Variants in PTCHD4 observed in about 807,000 individuals in gnomAD.
The protein encoded by PTCHD4 is patched domain containing 4.
In PTCHD4, 33 loss-of-function variants were observed where a neutral mutation model predicts 58.1. That is an observed-to-expected ratio of 0.57 (90% CI 0.43 to 0.76). The LOEUF is 0.76. Among genes scored for constraint, PTCHD4 ranks in the 30% least tolerant of loss-of-function variants. The pLI is 0.00. For synonymous variants in PTCHD4, 478 were observed against 409.6 expected (o/e 1.17, Z -2.02); for missense variants, 1,058 against 1,027.1 (o/e 1.03, Z -0.41).
intron 3 of PTCHD4, among the ~76,000 whole-genome samples, chr6:48,066,785 G>A (rs1375062193): frequency 6.7e-6 from 1 of 149,814 alleles, no homozygotes; most frequent in African/African-American, 2.5e-5. Context: ...TCATTTAAAT[G>A]GGGACACCAT....
intron 1 of PTCHD4, among the ~76,000 whole-genome samples, chr6:48,086,091 C>T (rs1049389431): frequency 6.6e-6 from 1 of 152,030 alleles, no homozygotes; most frequent in Non-Finnish European, 1.5e-5. Flanking sequence ...AATTGTGTCA[C>T]TATGATTTAC....
chr6:48,084,076 G>T (rs185388011), intron 1 of PTCHD4, among the ~76,000 whole-genome samples: 1 of 151,620 alleles, frequency 6.6e-6, no homozygotes, highest in African/African-American at 2.4e-5. Context: ...CGAATTTAGC[G>T]TTCTCAACCA....
chr6:48,084,814 G>A (rs1368380389), intron 1 of PTCHD4, among the ~76,000 whole-genome samples: 1 of 149,308 alleles, frequency 6.7e-6, no homozygotes, highest in African/African-American at 2.5e-5. Flanking sequence ...CACGATCTCA[G>A]CTCACTGCAA....
At chr6:48,012,743 G>A (rs138870058) in intron 3 of PTCHD4, among the ~76,000 whole-genome samples, 202 of 152,202 alleles carry the variant, frequency 1.3e-3, no homozygotes, top group Non-Finnish European at 2.4e-3. Context: ...TTTGAGATAC[G>A]TTCCATCAGT....
At chr6:47,916,689 G>T (rs1164943736) in intron 4 of PTCHD4, among the ~76,000 whole-genome samples, 2 of 149,478 alleles carry the variant, frequency 1.3e-5, no homozygotes, top group East Asian at 1.9e-4. Flanking sequence ...ATACTCTAAG[G>T]TGTTAGAACC....
Position 47,976,534 on chromosome 6 carries a change from A to T in PTCHD4, c.898+32100T>A, listed in dbSNP as rs191950588. ...CCAGGTGTGGTGGCGTGCACCTGTA[A>T]TCCCAGTTACTTGGGTGGCTGAGGC... On this transcript the variant is annotated intron_variant, in intron 4 of 4. Transcript: ENST00000339488. Among the ~76,000 whole-genome samples the T allele has an allele frequency of 3.2e-3, 481 of 151,998 alleles. 21 individuals are homozygous for T. In the East Asian group the frequency reaches 0.074, roughly 23 times the overall value.
chr6:47,857,089 C>T lies in PTCHD4; in HGVS notation c.*21214G>A, dbSNP rs565826153. Among the ~76,000 whole-genome samples the T allele has an allele frequency of 8.5e-5, 13 of 152,114 alleles. No homozygotes were observed. In the South Asian group the frequency reaches 2.7e-3, roughly 32 times the overall value. On this transcript the variant is annotated 3_prime_UTR_variant, in exon 5 of 5. Coordinates refer to ENST00000339488, the MANE Select transcript of PTCHD4 (RefSeq NM_001384253.1). The stretch of plus-strand genomic sequence containing the variant: ...TAGAGAAAATTTAGACACAAGAAAT[C>T]ATATTATATAGTATTGTCCCACCTA...
intron 4 of PTCHD4, among the ~76,000 whole-genome samples, chr6:47,903,216 A>C (rs1283751054): frequency 6.6e-6 from 1 of 152,228 alleles, no homozygotes; most frequent in African/African-American, 2.4e-5. Flanking sequence ...AAAGAGAAAG[A>C]AAAGAAAAAA....
intron 4 of PTCHD4, among the ~76,000 whole-genome samples, chr6:47,941,415 C>T (rs1276681897): frequency 3.9e-5 from 6 of 152,152 alleles, no homozygotes; most frequent in Non-Finnish European, 7.3e-5. Context: ...GGTTTTGAAG[C>T]TCCCAGTTGC....
At position 48,009,121 on chromosome 6, in the gene PTCHD4, A is replaced by C. The variant is rs1214449640; in HGVS notation, c.418-7T>G. 6.3e-7 allele frequency: 1 copy of C among 1,591,310 alleles called. No individual in the cohort carries two copies. The highest frequency in any genetic ancestry group is 8.6e-7 in the Non-Finnish European group (1 of 1,169,070). On this transcript the variant is annotated splice_region_variant and splice_polypyrimidine_tract_variant and intron_variant, in intron 3 of 4. Coordinates refer to ENST00000339488, the MANE Select transcript of PTCHD4 (RefSeq NM_001384253.1). ...TAAAACTGTTCCTCCCATCCTTGAA[A>C]ACAGAAAAAGAAGAGACTTCAGTTA...
At chr6:47,984,482 C>G (rs1767992036) in intron 4 of PTCHD4, among the ~76,000 whole-genome samples, 1 of 152,080 alleles carries the variant, frequency 6.6e-6, no homozygotes, top group Admixed American at 6.5e-5. Context: ...CCCATCAGGT[C>G]CCTCCCTAGA....
At chr6:47,898,550 C>T (rs1350484709) in intron 4 of PTCHD4, among the ~76,000 whole-genome samples, 1 of 152,098 alleles carries the variant, frequency 6.6e-6, no homozygotes, top group African/African-American at 2.4e-5. Flanking sequence ...GGAAATTCAG[C>T]AACAATTAAA....
rs372349476 is a variant in PTCHD4, at chr6:48,061,425, A to G, written c.417+6805T>C. 4.6e-5 allele frequency among the ~76,000 whole-genome samples: 7 copies of G among 152,202 alleles called. No homozygotes were observed. The East Asian group carries it at 7.7e-4, about 17-fold the overall frequency. On this transcript the variant is annotated intron_variant, in intron 3 of 4. Coordinates refer to ENST00000339488, the MANE Select transcript of PTCHD4 (RefSeq NM_001384253.1). Reference sequence around the variant, plus strand: ...GATAAACGATATGCTGAGAGTCTCAATTACCATATTTTCTTATGGCATATT... The same window carrying G: ...GATAAACGATATGCTGAGAGTCTCAGTTACCATATTTTCTTATGGCATATT...
chr6:47,898,679 T>A (rs994417477), intron 4 of PTCHD4, among the ~76,000 whole-genome samples: 1 of 152,194 alleles, frequency 6.6e-6, no homozygotes, highest in Non-Finnish European at 1.5e-5. Context: ...GATAGGAGGA[T>A]ACTTCTACCT....
intron 1 of PTCHD4, among the ~76,000 whole-genome samples, chr6:48,110,603 T>C (rs1265507868): frequency 6.7e-6 from 1 of 149,888 alleles, no homozygotes; most frequent in African/African-American, 2.5e-5. Flanking sequence ...ATACTGAAAA[T>C]TTGCTGAGTA....
In PTCHD4 at chr6:47,878,614, G is replaced by A. The variant is rs1240265132; in HGVS notation, c.2221C>T (p.Arg741Ter). ...FTFVLATEHT[R>*]TQCIKSSLQD... ...AAGGAGCTTTTTATACATTGTGTTC[G>A]GGTGTGCTCAGTTGCTAATACAAAT... Residue 741 changes from arginine to a stop codon, truncating the protein, a stop_gained, in exon 5 of 5, where the codon CGA becomes TGA. Coordinates refer to ENST00000339488, the MANE Select transcript of PTCHD4 (RefSeq NM_001384253.1). LOFTEE classifies it high-confidence loss of function. 3 of 1,613,390 alleles carry A rather than the reference G, an allele frequency of 1.9e-6. No individual in the cohort carries two copies. The highest frequency in any genetic ancestry group is 2.7e-5 in the African/African-American group (2 of 74,846).
chr6:47,991,242 C>G (rs2114034612), intron 4 of PTCHD4, among the ~76,000 whole-genome samples: 1 of 152,112 alleles, frequency 6.6e-6, no homozygotes. Context: ...CTAGATATAT[C>G]ACAGCGAAAC....
intron 4 of PTCHD4, among the ~76,000 whole-genome samples, chr6:47,891,770 T>C (rs189061208): frequency 4.6e-5 from 7 of 152,276 alleles, no homozygotes; most frequent in African/African-American, 1.4e-4. Context: ...TTTTTCCTCA[T>C]TGTAATTAGT....
At position 47,963,012 on chromosome 6, in the gene PTCHD4, C is replaced by G. The variant is rs528819975; in HGVS notation, c.898+45622G>C. The stretch of plus-strand genomic sequence containing the variant: ...GCACCTCTCTTAAAATACTGTACTC[C>G]CAGCTACTTGGGAGGCTGAGGCAGG... On this transcript the variant is annotated intron_variant, in intron 4 of 4. Coordinates refer to ENST00000339488, the MANE Select transcript of PTCHD4 (RefSeq NM_001384253.1). Among the ~76,000 whole-genome samples, 309 of 151,898 alleles carry G rather than the reference C, an allele frequency of 2.0e-3. 4 individuals are homozygous for G. Among genetic ancestry groups the G allele is most frequent in the African/African-American group, 6.9e-3 (286 of 41,464 alleles).
Sources: allele counts gnomAD v4.1 joint callset (sites outside exome capture counted in the v4.1 genomes callset), GRCh38; gene constraint gnomAD v4.1.1; transcripts MANE v1.5; gene names NCBI Gene and HGNC (gene_info 2026-07-23, HGNC 2026-07-21).